LRRC63: variants seen among roughly 807,000 people sequenced by gnomAD.
LRRC63 encodes the protein leucine rich repeat containing 63, also known as leucine-rich repeat-containing protein 63.
A neutral mutation model predicts 49.5 loss-of-function variants in LRRC63; 40 were observed. That is an observed-to-expected ratio of 0.81 (90% CI 0.63 to 1.05). The LOEUF is 1.05. Among genes scored for constraint, LRRC63 ranks in the 50% least tolerant of loss-of-function variants. The pLI is 0.00. For synonymous variants in LRRC63, 191 were observed against 221.1 expected (o/e 0.86, Z 1.21); for missense variants, 636 against 663.1 (o/e 0.96, Z 0.45).
At chr13:46,266,081 C>T (rs1566512686) in intron 8 of LRRC63, among the ~76,000 whole-genome samples, 1 of 125,404 alleles carries the variant, frequency 8.0e-6, no homozygotes, top group Non-Finnish European at 1.6e-5. Context: ...GTTGGACCAG[C>T]CTTTGATTTG....
At chr13:46,235,067 A>T (rs2046867148) in intron 5 of LRRC63, among the ~76,000 whole-genome samples, 1 of 152,146 alleles carries the variant, frequency 6.6e-6, no homozygotes, top group Non-Finnish European at 1.5e-5. Flanking sequence ...TGGGGCTAGA[A>T]ACATTCTTAG....
At chr13:46,276,412 AC>A (rs1224851350) in intron 9 of LRRC63, among the ~76,000 whole-genome samples, 177 bp from the exon 10 acceptor site, 1 of 152,146 alleles carries the variant, frequency 6.6e-6, no homozygotes. Flanking sequence ...TTATACATAT[AC>A]CTACTTTATT....
intron 7 of LRRC63, among the ~76,000 whole-genome samples, chr13:46,255,645 A>AAAAAAAAAAAAAAAAATATAT (rs1555328641): frequency 7.0e-5 from 9 of 129,452 alleles, no homozygotes; most frequent in African/African-American, 2.6e-4. Context: ...CCCTGCCTCA[A>AAAAAAAAAAAAAAAAATATAT]ATATATATAT....
chr13:46,220,058 C>T (rs906790802), intron 2 of LRRC63, among the ~76,000 whole-genome samples: 2 of 152,206 alleles, frequency 1.3e-5, no homozygotes, highest in Non-Finnish European at 2.9e-5. Context: ...TGGGAGGTGT[C>T]TCCCAGTCAT....
intron 5 of LRRC63, among the ~76,000 whole-genome samples, chr13:46,243,040 G>A (rs2047110023): frequency 6.6e-6 from 1 of 152,070 alleles, no homozygotes; most frequent in Admixed American, 6.6e-5. Flanking sequence ...CTGTAATTGT[G>A]GTAAGTAAAC....
chr13:46,270,307 T>G (rs746521511), intron 9 of LRRC63: 1 of 843,114 alleles, frequency 1.2e-6, no homozygotes, highest in South Asian at 1.3e-5. Flanking sequence ...GTAGCAGACT[T>G]CAGAACAAGG....
At chr13:46,253,255 G>A (rs1044668378) in intron 7 of LRRC63, among the ~76,000 whole-genome samples, 1 of 151,842 alleles carries the variant, frequency 6.6e-6, no homozygotes, top group African/African-American at 2.4e-5. Context: ...TCTCTAGTTA[G>A]AGTGAAACAA....
intron 8 of LRRC63, among the ~76,000 whole-genome samples, chr13:46,264,520 T>G (rs565353701): frequency 3.3e-5 from 5 of 152,316 alleles, no homozygotes; most frequent in African/African-American, 9.6e-5. Flanking sequence ...CATGTTCTTC[T>G]TTCATTCATC....
chr13:46,266,464 TC>T (rs1478675889), intron 8 of LRRC63, among the ~76,000 whole-genome samples: 3 of 152,228 alleles, frequency 2.0e-5, no homozygotes, highest in Non-Finnish European at 4.4e-5. Flanking sequence ...TGTGGATATT[TC>T]TTTTTCCATA....
At chr13:46,237,897 C>CA (rs534001912) in intron 5 of LRRC63, among the ~76,000 whole-genome samples, 2 of 151,636 alleles carry the variant, frequency 1.3e-5, no homozygotes, top group African/African-American at 4.8e-5. Flanking sequence ...GACTCAAGAA[C>CA]AAAAAAAATC....
intron 9 of LRRC63, chr13:46,270,724 A>C (rs1035995139): frequency 3.5e-6 from 2 of 565,710 alleles, no homozygotes; most frequent in African/African-American, 3.8e-5. Context: ...CATACTTCAC[A>C]GCCATAGGCC....
intron 4 of LRRC63, among the ~76,000 whole-genome samples, chr13:46,233,030 A>G (rs2046808902): frequency 1.3e-5 from 2 of 152,234 alleles, no homozygotes; most frequent in Non-Finnish European, 2.9e-5. Context: ...ACCATAACCT[A>G]CCATTCCTCC....
chr13:46,221,852 T>C (rs2138373261), intron 2 of LRRC63, among the ~76,000 whole-genome samples: 1 of 152,276 alleles, frequency 6.6e-6, no homozygotes, highest in South Asian at 2.1e-4. Flanking sequence ...TTGGACGTTT[T>C]CAATATAGTT....
intron 2 of LRRC63, among the ~76,000 whole-genome samples, chr13:46,218,141 A>T (rs1322977073): frequency 6.6e-6 from 1 of 152,010 alleles, no homozygotes; most frequent in Non-Finnish European, 1.5e-5. Context: ...GCTGAGTTCA[A>T]CTCCTGAATA....
intron 2 of LRRC63, among the ~76,000 whole-genome samples, chr13:46,214,101 CCTT>C (rs1360411574): frequency 1.3e-5 from 2 of 152,164 alleles, no homozygotes; most frequent in African/African-American, 2.4e-5. Flanking sequence ...TCTATTCCCT[CCTT>C]ATTATAAGCA....
chr13:46,261,086 T>C (rs2047606618), intron 7 of LRRC63, among the ~76,000 whole-genome samples: 1 of 152,152 alleles, frequency 6.6e-6, no homozygotes, highest in South Asian at 2.1e-4. Flanking sequence ...ATCCAACCCC[T>C]AGGAGTCAGG....
intron 4 of LRRC63, among the ~76,000 whole-genome samples, chr13:46,232,696 C>A (rs1182979234): frequency 6.6e-6 from 1 of 151,986 alleles, no homozygotes; most frequent in Admixed American, 6.6e-5. Context: ...TAAAATAGTT[C>A]ATCCTCGAAG....
At chr13:46,252,810 A>T (rs1371894971) in intron 7 of LRRC63, among the ~76,000 whole-genome samples, 1 of 152,012 alleles carries the variant, frequency 6.6e-6, no homozygotes, top group African/African-American at 2.4e-5. Flanking sequence ...GGGAAATACA[A>T]GCAGTTTGCT....
At chr13:46,215,075 G>A (rs1044472856) in intron 2 of LRRC63, among the ~76,000 whole-genome samples, 3 of 152,168 alleles carry the variant, frequency 2.0e-5, no homozygotes, top group Non-Finnish European at 2.9e-5. Context: ...ATAAACATAC[G>A]TGTGCATGTG....
Sources: allele counts gnomAD v4.1 joint callset (sites outside exome capture counted in the v4.1 genomes callset), GRCh38; gene constraint gnomAD v4.1.1; transcripts MANE v1.5; gene names NCBI Gene and HGNC (gene_info 2026-07-23, HGNC 2026-07-21).